RPLP1: variants seen among roughly 807,000 people sequenced by gnomAD.
RPLP1 encodes large ribosomal subunit protein P1.
In RPLP1, 4 loss-of-function variants were observed where a neutral mutation model predicts 11.6. The ratio of observed to expected loss-of-function variants is 0.34; its 90% confidence interval spans 0.17 to 0.79. The LOEUF is 0.79. Ranked by LOEUF, RPLP1 falls within the 30% of genes least tolerant of loss-of-function variation. The pLI, the probability that RPLP1 is intolerant of heterozygous loss-of-function variation, is 0.55. For synonymous variants in RPLP1, 54 were observed against 52.2 expected (o/e 1.03, Z -0.15); for missense variants, 133 against 142.8 (o/e 0.93, Z 0.35).
intron 3 of RPLP1, 29 bp from the exon 4 acceptor site, chr15:69,455,399 C>T: frequency 6.3e-7 from 1 of 1,593,210 alleles, no homozygotes; most frequent in Non-Finnish European, 8.5e-7. Context: ...TATGGAAATC[C>T]TAACACCTGA....
At chr15:69,453,338 A>T in intron 1 of RPLP1, 1 of 576,234 alleles carries the variant, frequency 1.7e-6, no homozygotes, top group Non-Finnish European at 3.1e-6. Flanking sequence ...TCTCAGGGAC[A>T]CTTACTCGGA....
Position 69,452,910 on chromosome 15 carries a change from A to G in RPLP1, c.-39A>G. On this transcript the variant is annotated 5_prime_UTR_variant, in exon 1 of 4. Coordinates refer to ENST00000260379, the MANE Select transcript of RPLP1 (RefSeq NM_001003.3). ...GCCCTCACTTCATCCGGCGACTAGC[A>G]CCGCGTCCGGCAGCGCCAGCCCTAC... 2 of 1,550,774 alleles carry G rather than the reference A, an allele frequency of 1.3e-6. No homozygotes were observed.
intron 1 of RPLP1, 21 bp from the exon 2 acceptor site, chr15:69,453,626 T>A: frequency 6.2e-7 from 1 of 1,613,448 alleles, no homozygotes; most frequent in South Asian, 1.1e-5. Context: ...TTTGATGGAT[T>A]GACGTTTTTA....
chr15:69,453,865 A>G, intron 2 of RPLP1, 144 bp downstream of exon 2: 1 of 716,924 alleles, frequency 1.4e-6, no homozygotes, highest in Non-Finnish European at 2.4e-6. Flanking sequence ...GTATATCTCT[A>G]GGAGCTAATA....
In RPLP1 at chr15:69,452,969, C is replaced by T. The variant is rs1804205; in HGVS notation, c.21C>T (p.Leu7=). MASVSE[L]ACIYSALILH... ...GCGCCATGGCCTCTGTCTCCGAGCTCGCCTGCATCTACTCGGCCCTCATTC... is the reference window on the plus strand; with the variant it reads ...GCGCCATGGCCTCTGTCTCCGAGCTTGCCTGCATCTACTCGGCCCTCATTC... Residue 7 remains leucine (L), a synonymous_variant, in exon 1 of 4, where the codon CTC becomes CTT. Coordinates refer to ENST00000260379, the MANE Select transcript of RPLP1 (RefSeq NM_001003.3). 695 of 1,580,678 alleles carry T rather than the reference C, an allele frequency of 4.4e-4. No individual in the cohort carries two copies. Among genetic ancestry groups the T allele is most frequent in the Non-Finnish European group, 5.6e-4 (657 of 1,165,494 alleles).
chr15:69,455,476 A>T lies in RPLP1; in HGVS notation c.314A>T (p.Asp105Val). The change falls in exon 4 of 4, where the codon GAT becomes GTT. Residue 105 changes from aspartate to valine, a missense_variant. Physicochemically the swap from Asp to Val is radical, Grantham distance 152. Transcript: ENST00000260379. ...EAKKEESEES[D>V]DDMGFGLFD Reference sequence around the variant, plus strand: ...AAGAAAGAAGAATCCGAGGAGTCTGATGATGACATGGGCTTTGGTCTTTTT... The same window carrying T: ...AAGAAAGAAGAATCCGAGGAGTCTGTTGATGACATGGGCTTTGGTCTTTTT... 6.2e-7 allele frequency: 1 copy of T among 1,610,630 alleles called. No homozygotes were observed.
Position 69,452,855 on chromosome 15 carries a change from C to A in RPLP1, c.-94C>A, listed in dbSNP as rs1892366842. On this transcript the variant is annotated 5_prime_UTR_variant, in exon 1 of 4. Transcript: ENST00000260379. ...GCTGCCGCCAAGGTGCTCGGTCCTT[C>A]CGAGGAAGCTAAGGCTGCGTTGGGG... The A allele has an allele frequency of 1.7e-6, 2 of 1,208,884 alleles. No individual in the cohort carries two copies. Among genetic ancestry groups the A allele is most frequent in the East Asian group, 2.6e-5 (1 of 39,128 alleles). 74.9% of individuals were successfully genotyped at this position (1,208,884 alleles called of 1,614,324 possible).
Position 69,455,445 on chromosome 15 carries a change from G to A in RPLP1, c.283G>A (p.Glu95Lys). 1 of 1,611,804 alleles carries A rather than the reference G, an allele frequency of 6.2e-7. No homozygotes were observed. The highest frequency in any genetic ancestry group is 8.5e-7 in the Non-Finnish European group (1 of 1,179,586). ...AAAPAEEKKVEAKKEESEESD... is the reference protein window; with the variant it reads ...AAAPAEEKKVKAKKEESEESD... The stretch of plus-strand genomic sequence containing the variant: ...TTTTCTAGCTGAGGAGAAGAAAGTG[G>A]AAGCAAAGAAAGAAGAATCCGAGGA... Residue 95 changes from glutamate to lysine, a missense_variant, in exon 4 of 4, where the codon GAA (glutamate) becomes AAA (lysine). Glu to Lys is a moderately conservative substitution (Grantham distance 56). Transcript: ENST00000260379.
At position 69,452,876 on chromosome 15, in the gene RPLP1, T is replaced by C; in HGVS notation, c.-73T>C. Reference sequence around the variant, plus strand: ...CCTTCCGAGGAAGCTAAGGCTGCGTTGGGGTGAGGCCCTCACTTCATCCGG... The same window carrying C: ...CCTTCCGAGGAAGCTAAGGCTGCGTCGGGGTGAGGCCCTCACTTCATCCGG... On this transcript the variant is annotated 5_prime_UTR_variant, in exon 1 of 4. Coordinates refer to ENST00000260379, the MANE Select transcript of RPLP1 (RefSeq NM_001003.3). 1.4e-6 allele frequency: 2 copies of C among 1,379,722 alleles called. No homozygotes were observed. Among genetic ancestry groups the C allele is most frequent in the East Asian group, 2.5e-5 (1 of 40,094 alleles). 85.5% of individuals were successfully genotyped at this position (1,379,722 alleles called of 1,614,324 possible).
Position 69,455,296 on chromosome 15 carries a change from C to T in RPLP1, c.265+9C>T. 6.5e-7 allele frequency: 1 copy of T among 1,548,004 alleles called. No homozygotes were observed. Among genetic ancestry groups the T allele is most frequent in the Admixed American group, 2.2e-5 (1 of 45,948 alleles). ...CACTGCTGCTGCTCCAGGTAGGAAA[C>T]ATGGAGTTTTTAGTATTGGGAGGAG... On this transcript the variant is annotated intron_variant, in intron 3 of 3. Coordinates refer to ENST00000260379, the MANE Select transcript of RPLP1 (RefSeq NM_001003.3).
intron 1 of RPLP1, 155 bp downstream of exon 1, chr15:69,453,175 G>A (rs1244569523): frequency 2.0e-5 from 14 of 704,786 alleles, no homozygotes; most frequent in South Asian, 1.4e-4. Flanking sequence ...CTCGGGGCTG[G>A]GGCCTCTCTC....
rs1892366842 is a variant in RPLP1, at chr15:69,452,855, C to T, written c.-94C>T. On this transcript the variant is annotated 5_prime_UTR_variant, in exon 1 of 4. Transcript: ENST00000260379. The stretch of plus-strand genomic sequence containing the variant: ...GCTGCCGCCAAGGTGCTCGGTCCTT[C>T]CGAGGAAGCTAAGGCTGCGTTGGGG... The T allele has an allele frequency of 8.3e-6, 10 of 1,208,886 alleles. No homozygotes were observed. The highest frequency in any genetic ancestry group is 6.0e-5 in the Admixed American group (3 of 50,348). 74.9% of individuals were successfully genotyped at this position (1,208,886 alleles called of 1,614,324 possible).
Position 69,455,518 on chromosome 15 carries a change from T to C in RPLP1, c.*11T>C, listed in dbSNP as rs202225518. ...GGTCTTTTTGACTAAACCTCTTTTA[T>C]AACATGTTCAATAAAAAGCTGAACT... is the stretch of plus-strand genomic sequence containing the variant. On this transcript the variant is annotated 3_prime_UTR_variant, in exon 4 of 4. Transcript: ENST00000260379. 1.3e-6 allele frequency: 2 copies of C among 1,584,908 alleles called. No individual in the cohort carries two copies. The highest frequency in any genetic ancestry group is 4.5e-5 in the East Asian group (2 of 44,790).
At chr15:69,455,001 C>A in intron 2 of RPLP1, 169 bp from the exon 3 acceptor site, 1 of 916,054 alleles carries the variant, frequency 1.1e-6, no homozygotes, top group Non-Finnish European at 1.6e-6. Flanking sequence ...ATGTTTGGTA[C>A]ACATGCTTAT....
intron 2 of RPLP1, chr15:69,454,377 G>C (rs1287761191): frequency 6.6e-6 from 1 of 152,606 alleles, no homozygotes; most frequent in Non-Finnish European, 1.5e-5. Context: ...CCTATGGTTT[G>C]ATGGACATTT....
At chr15:69,453,823 C>A in intron 2 of RPLP1, 102 bp downstream of exon 2, 2 of 1,143,750 alleles carry the variant, frequency 1.7e-6, no homozygotes, top group Non-Finnish European at 2.6e-6. Flanking sequence ...GCCCCACATG[C>A]CGCTGGATCT....
intron 2 of RPLP1, 184 bp downstream of exon 2, chr15:69,453,905 C>T (rs778757181): frequency 5.3e-4 from 321 of 601,036 alleles, no homozygotes; most frequent in Non-Finnish European, 8.5e-4. Flanking sequence ...CTTACGTTTC[C>T]TTATCAGACT....
At chr15:69,455,139 G>C in intron 2 of RPLP1, 31 bp from the exon 3 acceptor site, 1 of 1,533,522 alleles carries the variant, frequency 6.5e-7, no homozygotes, top group South Asian at 1.3e-5. Context: ...ACAGAACTGG[G>C]CGTTTACCTA....
At position 69,455,642 on chromosome 15, in the gene RPLP1, T is replaced by A. The variant is rs1246959634; in HGVS notation, c.*135T>A. 1 of 668,426 alleles carries A rather than the reference T, an allele frequency of 1.5e-6. No homozygotes were observed. The highest frequency in any genetic ancestry group is 2.5e-6 in the Non-Finnish European group (1 of 400,090). The allele number at this position is 668,426 out of a possible 1,614,324, so 41.4% of individuals were successfully genotyped here. A position where few individuals can be genotyped will look rare whatever the true frequency, so the allele number is the denominator to read the frequency against. ...CAGCCTATTCTGCCATGACACAGGC[T>A]GGATTTTCCCTGCCACCATTGCCGG... On this transcript the variant is annotated 3_prime_UTR_variant, in exon 4 of 4. Coordinates refer to ENST00000260379, the MANE Select transcript of RPLP1 (RefSeq NM_001003.3).
Sources: allele counts gnomAD v4.1 joint callset, GRCh38; gene constraint gnomAD v4.1.1; transcripts MANE v1.5; gene names NCBI Gene and HGNC (gene_info 2026-07-23, HGNC 2026-07-21).